The following RAD51B variants were observed in gnomAD, a reference collection of about 807,000 sequenced individuals.
RAD51B encodes the protein RAD51 paralog B.
Under a neutral mutation model 42.2 loss-of-function variants are expected in RAD51B, and 38 were observed. The observed-to-expected ratio is 0.90, with a 90% CI of 0.70 to 1.18. RAD51B has a LOEUF of 1.18. RAD51B is among the 50% of genes most tolerant of loss of function. The probability of loss-of-function intolerance (pLI) is 0.00; values close to 1 mark genes in which losing one functional copy is unlikely to be tolerated. For missense variants in RAD51B, 373 were observed against 400.7 expected (o/e 0.93, Z 0.59); for synonymous variants, 154 against 145.2 (o/e 1.06, Z -0.43).
intron 10 of RAD51B, among the ~76,000 whole-genome samples, chr14:68,521,946 C>T (rs186550026): frequency 6.6e-6 from 1 of 152,272 alleles, no homozygotes; most frequent in East Asian, 1.9e-4. Context: ...AAACTTCAGC[C>T]CTATGTTAAC....
chr14:68,171,747 C>T (rs2078876261), intron 7 of RAD51B, among the ~76,000 whole-genome samples: 1 of 152,000 alleles, frequency 6.6e-6, no homozygotes, highest in South Asian at 2.1e-4. Context: ...CGCTCTGTCG[C>T]CCAGGCTGGA....
At chr14:68,579,402 G>A (rs935892022) in intron 10 of RAD51B, among the ~76,000 whole-genome samples, 1 of 152,202 alleles carries the variant, frequency 6.6e-6, no homozygotes, top group Admixed American at 6.5e-5. Context: ...CAAAGGCATA[G>A]CAGCAGCCTG....
chr14:68,149,610 T>C (rs1270835905), intron 7 of RAD51B: 1 of 152,244 alleles, frequency 6.6e-6, no homozygotes, highest in Non-Finnish European at 1.5e-5. Context: ...TATGCATGTA[T>C]TCATTTAAGA....
At chr14:68,377,357 C>T (rs117613748) in intron 8 of RAD51B, among the ~76,000 whole-genome samples, 1 of 152,156 alleles carries the variant, frequency 6.6e-6, no homozygotes, top group African/African-American at 2.4e-5. Context: ...GAATTATAAC[C>T]TCATACCTTC....
intron 7 of RAD51B, among the ~76,000 whole-genome samples, chr14:67,931,389 C>G (rs1363951718): frequency 6.6e-6 from 1 of 151,544 alleles, no homozygotes; most frequent in East Asian, 1.9e-4. Context: ...GTAAACTGCT[C>G]CTTTATTTCC....
Position 68,582,053 on chromosome 14 carries a change from C to A in RAD51B, c.1037-12432C>A, listed in dbSNP as rs188890244. Among the ~76,000 whole-genome samples the A allele has an allele frequency of 4.5e-3, 678 of 152,242 alleles. 21 individuals are homozygous for A. Among genetic ancestry groups the A allele is most frequent in the Admixed American group, 0.04 (612 of 15,284 alleles). ...AATGTAACATCTAAAACCATAAAAA[C>A]CCTAGAAGAAAACCTAGGCAATACC... is the stretch of plus-strand genomic sequence containing the variant. On this transcript the variant is annotated intron_variant, in intron 10 of 10. Coordinates refer to the RAD51B transcript ENST00000487270.
At chr14:68,065,373 A>G (rs925471202) in intron 7 of RAD51B, among the ~76,000 whole-genome samples, 32 of 152,152 alleles carry the variant, frequency 2.1e-4, no homozygotes, top group African/African-American at 7.5e-4. Flanking sequence ...GTCAGCTGAC[A>G]GCTTGGCTCA....
chr14:67,991,269 T>A (rs2075292524), intron 7 of RAD51B, among the ~76,000 whole-genome samples: 1 of 152,252 alleles, frequency 6.6e-6, no homozygotes. Flanking sequence ...CTGGTGAATC[T>A]GAATTGAATC....
At chr14:68,609,264 G>A (rs1253335168) in intron 10 of RAD51B, among the ~76,000 whole-genome samples, 2 of 152,174 alleles carry the variant, frequency 1.3e-5, no homozygotes, top group African/African-American at 4.8e-5. Context: ...AGGTGCGGCT[G>A]CAGGCCCAGC....
At chr14:68,107,968 C>T (rs1230134556) in intron 7 of RAD51B, among the ~76,000 whole-genome samples, 1 of 151,412 alleles carries the variant, frequency 6.6e-6, no homozygotes, top group African/African-American at 2.4e-5. Flanking sequence ...ATATGGAGAA[C>T]CCTTATAATA....
rs572678374 is a variant in RAD51B, at chr14:68,074,574, G to A, written c.756+187370G>A. On this transcript the variant is annotated intron_variant, in intron 7 of 10. Transcript: ENST00000471583. ...TAGGAACCATTGCTGGGGAGATGTT[G>A]TAGTCATTTGGAGGTAAGGGAGACA... Among the ~76,000 whole-genome samples the A allele has an allele frequency of 3.4e-3, 518 of 152,312 alleles. 6 individuals are homozygous for A. The highest frequency in any genetic ancestry group is 0.012 in the African/African-American group (485 of 41,574).
chr14:68,564,045 C>G, intron 10 of RAD51B: 1 of 633,854 alleles, frequency 1.6e-6, no homozygotes, highest in African/African-American at 2.0e-5. Flanking sequence ...ACTAGAGGGC[C>G]TGCATGGGCT....
chr14:68,566,280 A>G (rs1056037758), intron 10 of RAD51B, among the ~76,000 whole-genome samples: 1 of 152,210 alleles, frequency 6.6e-6, no homozygotes, highest in Non-Finnish European at 1.5e-5. Context: ...GGTGTAGCTG[A>G]CAAAACCCTA....
At chr14:68,605,594 C>T (rs537081281) in intron 10 of RAD51B, among the ~76,000 whole-genome samples, 3 of 152,306 alleles carry the variant, frequency 2.0e-5, no homozygotes, top group East Asian at 1.9e-4. Context: ...TGTGCTTGGG[C>T]GTGCACCTCC....
chr14:68,143,086 G>A (rs2078167133), intron 7 of RAD51B, among the ~76,000 whole-genome samples: 1 of 152,154 alleles, frequency 6.6e-6, no homozygotes, highest in African/African-American at 2.4e-5. Context: ...CTGTGGACAG[G>A]TGACTGGCTG....
intron 11 of RAD51B, among the ~76,000 whole-genome samples, chr14:68,663,508 C>T (rs1892976214): frequency 6.6e-6 from 1 of 152,150 alleles, no homozygotes; most frequent in Non-Finnish European, 1.5e-5. Context: ...TCAGGCTCCC[C>T]CCGCTGCTAG....
chr14:68,152,185 A>T (rs2078403294), intron 7 of RAD51B, among the ~76,000 whole-genome samples: 1 of 152,148 alleles, frequency 6.6e-6, no homozygotes, highest in South Asian at 2.1e-4. Context: ...TAGCTTTGAA[A>T]TGATTCCAGA....
intron 7 of RAD51B, among the ~76,000 whole-genome samples, chr14:67,915,558 A>C (rs2044122939): frequency 6.6e-6 from 1 of 152,212 alleles, no homozygotes; most frequent in South Asian, 2.1e-4. Flanking sequence ...GGAAGATAGC[A>C]TGAGGATCTT....
intron 10 of RAD51B, among the ~76,000 whole-genome samples, chr14:68,574,356 A>G (rs113583947): frequency 0.2 from 29,979 of 152,176 alleles, 3,751 homozygotes; most frequent in Non-Finnish European, 0.28. Flanking sequence ...CCAAAGTGCT[A>G]GGATTACAGG....
Sources: gnomAD v4.1 joint callset for allele counts (sites outside exome capture counted in the v4.1 genomes callset) on GRCh38, gnomAD v4.1.1 for gene constraint, MANE v1.5 for transcripts, NCBI Gene and HGNC (gene_info 2026-07-23, HGNC 2026-07-21) for gene names.